The following SHISAL2B variants were observed in gnomAD, a reference collection of about 807,000 sequenced individuals.
SHISAL2B encodes the protein protein shisa-like-2B.
Under a neutral mutation model 16.5 loss-of-function variants are expected in SHISAL2B, and 12 were observed. That is an observed-to-expected ratio of 0.73 (90% CI 0.47 to 1.18). The LOEUF is 1.18. Ranked by LOEUF, SHISAL2B falls within the 50% of genes most tolerant of loss-of-function variation. The pLI is 0.00. For missense variants in SHISAL2B, 183 were observed against 193.6 expected (o/e 0.95, Z 0.33); for synonymous variants, 72 against 75.0 (o/e 0.96, Z 0.21).
In SHISAL2B at chr5:64,690,596, C is replaced by T. The variant is rs376261361; in HGVS notation, c.-28C>T. The T allele has an allele frequency of 1.5e-5, 22 of 1,443,004 alleles. No individual in the cohort carries two copies. Among genetic ancestry groups the T allele is most frequent in the Non-Finnish European group, 2.0e-5 (22 of 1,095,422 alleles). 89.4% of individuals were successfully genotyped at this position (1,443,004 alleles called of 1,614,324 possible). A position where few individuals can be genotyped will look rare whatever the true frequency, so the allele number is the denominator to read the frequency against. Reference sequence around the variant, plus strand: ...CGATCCGAGAGCAGACCGGGGCCCTCGCGAGCCTCTCCCGGCCCCTGCCCG... The same window carrying T: ...CGATCCGAGAGCAGACCGGGGCCCTTGCGAGCCTCTCCCGGCCCCTGCCCG... On this transcript the variant is annotated 5_prime_UTR_variant, in exon 1 of 3. Coordinates refer to ENST00000389074, the MANE Select transcript of SHISAL2B (RefSeq NM_001164442.2).
intron 2 of SHISAL2B, among the ~76,000 whole-genome samples, chr5:64,714,234 C>G (rs1213371583): frequency 7.2e-6 from 1 of 139,826 alleles, no homozygotes; most frequent in Admixed American, 7.0e-5. Flanking sequence ...GATGTCCTTT[C>G]TGTTTGTTAG....
intron 2 of SHISAL2B, among the ~76,000 whole-genome samples, chr5:64,701,376 T>A (rs1741807460): frequency 6.6e-6 from 1 of 152,174 alleles, no homozygotes; most frequent in African/African-American, 2.4e-5. Context: ...ATTTTTAAAA[T>A]TATGAGAATT....
At position 64,717,897 on chromosome 5, in the gene SHISAL2B, A is replaced by C; in HGVS notation, c.358A>C (p.Asn120His). 2 of 1,512,586 alleles carry C rather than the reference A, an allele frequency of 1.3e-6. No homozygotes were observed. The highest frequency in any genetic ancestry group is 1.8e-6 in the Non-Finnish European group (2 of 1,141,554). 93.7% of individuals were successfully genotyped at this position (1,512,586 alleles called of 1,614,324 possible). Residue 120 changes from asparagine (N) to histidine (H), a missense_variant, in exon 3 of 3, where the codon AAT becomes CAT. Transcript: ENST00000389074. Reference sequence around the variant, plus strand: ...GTTTTGTGTATCTGCAGGCAAGTCAAATGGAAAAACCAAAGCCCTCAATTC... The same window carrying C: ...GTTTTGTGTATCTGCAGGCAAGTCACATGGAAAAACCAAAGCCCTCAATTC... ...EASSTQEGKS[N>H]GKTKALNSNA... is the part of the protein sequence containing the mutation.
At chr5:64,712,261 A>C (rs1741970163) in intron 2 of SHISAL2B, among the ~76,000 whole-genome samples, 1 of 151,350 alleles carries the variant, frequency 6.6e-6, no homozygotes, top group Non-Finnish European at 1.5e-5. Flanking sequence ...TTGGTTTCAA[A>C]GAACATCTTT....
rs79217679 is a variant in SHISAL2B at position 64,702,943 on chromosome 5, C to T, written c.349+7279C>T. The stretch of plus-strand genomic sequence containing the variant: ...AATTGATCCATTTGTTTATTTTAAG[C>T]TAATAATATACTTTAAGAATTACTG... On this transcript the variant is annotated intron_variant, in intron 2 of 2. Transcript: ENST00000389074. 2.9e-3 allele frequency among the ~76,000 whole-genome samples: 434 copies of T among 152,208 alleles called. 18 individuals carry two copies. The East Asian group carries it at 0.077, about 27-fold the overall frequency.
At chr5:64,712,863 C>T (rs960375210) in intron 2 of SHISAL2B, among the ~76,000 whole-genome samples, 32 of 149,504 alleles carry the variant, frequency 2.1e-4, no homozygotes, top group African/African-American at 7.8e-4. Context: ...GATTGCAACC[C>T]CTGCCTTTTT....
chr5:64,693,362 A>T (rs962473245), intron 1 of SHISAL2B, among the ~76,000 whole-genome samples: 7 of 152,194 alleles, frequency 4.6e-5, no homozygotes, highest in Non-Finnish European at 8.8e-5. Context: ...TGTCAGTATT[A>T]TGAAGAACAT....
At chr5:64,703,104 A>G (rs1741830961) in intron 2 of SHISAL2B, among the ~76,000 whole-genome samples, 1 of 152,216 alleles carries the variant, frequency 6.6e-6, no homozygotes, top group Non-Finnish European at 1.5e-5. Flanking sequence ...CACTCTGTCC[A>G]ATCTTAAAAA....
At chr5:64,709,553 A>C (rs1189865687) in intron 2 of SHISAL2B, among the ~76,000 whole-genome samples, 1 of 151,448 alleles carries the variant, frequency 6.6e-6, no homozygotes, top group Non-Finnish European at 1.5e-5. Flanking sequence ...GTATATACCT[A>C]GTAATGGGAT....
chr5:64,709,405 T>C (rs1741922349), intron 2 of SHISAL2B, among the ~76,000 whole-genome samples: 1 of 149,398 alleles, frequency 6.7e-6, no homozygotes, highest in Admixed American at 6.7e-5. Context: ...CCATGGTGTA[T>C]ATGTGCCACA....
intron 1 of SHISAL2B, 107 bp downstream of exon 1, chr5:64,690,921 C>T: frequency 1.2e-5 from 12 of 1,018,510 alleles, no homozygotes; most frequent in Non-Finnish European, 1.6e-5. Context: ...CCCCGCTATC[C>T]GCCCTAGGTT....
At chr5:64,709,869 C>T (rs1285282393) in intron 2 of SHISAL2B, among the ~76,000 whole-genome samples, 4 of 152,214 alleles carry the variant, frequency 2.6e-5, no homozygotes, top group South Asian at 2.1e-4. Context: ...GTCCTTCGCC[C>T]ACTTTTTGAT....
At chr5:64,714,177 A>G (rs1289140559) in intron 2 of SHISAL2B, among the ~76,000 whole-genome samples, 1 of 145,318 alleles carries the variant, frequency 6.9e-6, no homozygotes, top group Non-Finnish European at 1.5e-5. Context: ...GGTTTTATCT[A>G]CTTTTGGTCT....
chr5:64,712,496 T>C (rs1214932343), intron 2 of SHISAL2B, among the ~76,000 whole-genome samples: 2 of 151,048 alleles, frequency 1.3e-5, no homozygotes, highest in African/African-American at 2.4e-5. Flanking sequence ...GGTGTGGTGC[T>C]GAAAAAAATG....
intron 2 of SHISAL2B, among the ~76,000 whole-genome samples, chr5:64,703,955 A>C (rs182869575): frequency 6.6e-6 from 1 of 152,196 alleles, no homozygotes; most frequent in African/African-American, 2.4e-5. Context: ...CATCATATTA[A>C]ATTTGAAGAG....
chr5:64,709,579 T>G (rs1209033370), intron 2 of SHISAL2B, among the ~76,000 whole-genome samples: 2 of 151,296 alleles, frequency 1.3e-5, no homozygotes, highest in African/African-American at 2.5e-5. Flanking sequence ...GGTCAAATGG[T>G]ATTTCTAGTT....
intron 2 of SHISAL2B, among the ~76,000 whole-genome samples, chr5:64,708,852 A>C (rs182662362): frequency 2.6e-5 from 4 of 152,268 alleles, no homozygotes; most frequent in Non-Finnish European, 4.4e-5. Flanking sequence ...GTAGAATATT[A>C]AGTAACTTAT....
intron 2 of SHISAL2B, among the ~76,000 whole-genome samples, chr5:64,714,498 T>C (rs888446280): frequency 6.6e-6 from 1 of 151,436 alleles, no homozygotes; most frequent in Non-Finnish European, 1.5e-5. Context: ...TTTTTGTTTG[T>C]CTGTGCCCTG....
At chr5:64,705,658 C>G (rs556689806) in intron 2 of SHISAL2B, among the ~76,000 whole-genome samples, 53 of 152,140 alleles carry the variant, frequency 3.5e-4, no homozygotes, top group Non-Finnish European at 6.3e-4. Context: ...GAAAAATAAC[C>G]TACAAACACC....
Sources: allele counts gnomAD v4.1 joint callset (sites outside exome capture counted in the v4.1 genomes callset), GRCh38; gene constraint gnomAD v4.1.1; transcripts MANE v1.5; gene names NCBI Gene and HGNC (gene_info 2026-07-23, HGNC 2026-07-21).